CHD9: variants seen among roughly 807,000 people sequenced by gnomAD.
CHD9 encodes chromodomain helicase DNA binding protein 9, also known as ATP-dependent chromatin remodeler CHD9.
A neutral mutation model predicts 316.1 loss-of-function variants in CHD9; 77 were observed. The ratio of observed to expected loss-of-function variants is 0.24; its 90% CI spans 0.20 to 0.29. The LOEUF is 0.29. CHD9 is among the 10% of genes least tolerant of loss of function. The probability of loss-of-function intolerance (pLI) is 1.00; values close to 1 mark genes in which losing one functional copy is unlikely to be tolerated. For missense variants in CHD9, 2,763 were observed against 3,438.1 expected, an observed-to-expected ratio of 0.80 and a Z score of 4.91; for synonymous variants, 1,129 against 1,158.3, an observed-to-expected ratio of 0.97 and a Z score of 0.51.
intron 2 of CHD9, among the ~76,000 whole-genome samples, chr16:53,193,392 T>G (rs754832748): frequency 3.4e-4 from 52 of 151,604 alleles, no homozygotes; most frequent in Non-Finnish European, 6.3e-4. Context: ...GAGCTTGCAG[T>G]GAGCCGAGAT....
Position 53,285,611 on chromosome 16 carries a change from G to C in CHD9, c.4983G>C (p.Trp1661Cys). Residue 1661 changes from tryptophan (W) to cysteine (C), a missense_variant, in exon 25 of 39, where the codon TGG (tryptophan) becomes TGC (cysteine). Physicochemically the swap from Trp to Cys is radical, Grantham distance 215. Coordinates refer to ENST00000447540, the MANE Select transcript of CHD9 (RefSeq NM_001308319.2). ...DGVDASDIDV[W>C]VPEPDHSEVP... ...TTTTTTAAAGTGACATTGATGTTTG[G>C]GTACCAGAACCAGACCACTCAGAAG... is the stretch of plus-strand genomic sequence containing the variant. The C allele has an allele frequency of 6.3e-7, 1 of 1,596,746 alleles. No individual in the cohort carries two copies. The highest frequency in any genetic ancestry group is 8.5e-7 in the Non-Finnish European group (1 of 1,170,008).
intron 2 of CHD9, among the ~76,000 whole-genome samples, chr16:53,184,275 T>C (rs536581281): frequency 4.6e-5 from 7 of 152,138 alleles, no homozygotes; most frequent in South Asian, 2.1e-4. Flanking sequence ...GAGATAGATA[T>C]GGCACTAAAA....
intron 1 of CHD9, among the ~76,000 whole-genome samples, chr16:53,129,087 T>C (rs1187677304): frequency 6.6e-6 from 1 of 152,206 alleles, no homozygotes; most frequent in Non-Finnish European, 1.5e-5. Flanking sequence ...TTAGAGAACA[T>C]TCACTGATTA....
At chr16:53,190,192 T>G (rs1174905079) in intron 2 of CHD9, among the ~76,000 whole-genome samples, 1 of 152,184 alleles carries the variant, frequency 6.6e-6, no homozygotes, top group East Asian at 1.9e-4. Context: ...AATATGGCTT[T>G]CTTTCCAGAT....
At position 53,100,137 on chromosome 16, in the gene CHD9, G is replaced by A. The variant is rs547886501; in HGVS notation, c.-165+45060G>A. On this transcript the variant is annotated intron_variant, in intron 1 of 38. Transcript: ENST00000447540. ...AGCCCACGGGGAGAGGTGAGGAATT[G>A]TGCAAATAATGGGATAAACCTACAT... Among the ~76,000 whole-genome samples the A allele has an allele frequency of 8.0e-4, 122 of 152,352 alleles. 1 individual carries two copies. Among genetic ancestry groups the A allele is most frequent in the South Asian group, 8.3e-4 (4 of 4,830 alleles).
Position 53,223,600 on chromosome 16 carries a change from T to A in CHD9, c.1896+845T>A, listed in dbSNP as rs182180332. 9.5e-4 allele frequency: 145 copies of A among 152,674 alleles called. 2 individuals carry two copies. Among genetic ancestry groups the A allele is most frequent in the African/African-American group, 3.3e-3 (139 of 41,580 alleles). The allele number at this position is 152,674 out of a possible 1,614,324, so 9.5% of individuals were successfully genotyped here. On this transcript the variant is annotated intron_variant, in intron 4 of 38. Transcript: ENST00000447540. Reference sequence around the variant, plus strand: ...TTAGGCAAACTTATATTTAACTTATTCCATATGATTAAATTTAGTTTAATT... The same window carrying A: ...TTAGGCAAACTTATATTTAACTTATACCATATGATTAAATTTAGTTTAATT...
In CHD9 at chr16:53,144,657, T is replaced by G. The variant is rs189842772; in HGVS notation, c.-164-11269T>G. On this transcript the variant is annotated intron_variant, in intron 1 of 38. Coordinates refer to ENST00000447540, the MANE Select transcript of CHD9 (RefSeq NM_001308319.2). Reference sequence around the variant, plus strand: ...GATTCTCCCGCCTCAGCCTCCCGAGTAGCTGGGACTACAGGCGCCCACTAT... The same window carrying G: ...GATTCTCCCGCCTCAGCCTCCCGAGGAGCTGGGACTACAGGCGCCCACTAT... Among the ~76,000 whole-genome samples, 124 of 151,728 alleles carry G rather than the reference T, an allele frequency of 8.2e-4. 1 individual carries two copies. In the East Asian group the frequency reaches 0.016, roughly 19 times the overall value.
chr16:53,203,064 C>T (rs1215280271), intron 2 of CHD9, among the ~76,000 whole-genome samples: 1 of 152,014 alleles, frequency 6.6e-6, no homozygotes, highest in Non-Finnish European at 1.5e-5. Context: ...AAATAAAAAT[C>T]AAAAGAAGCC....
intron 1 of CHD9, among the ~76,000 whole-genome samples, chr16:53,056,955 C>G (rs1182295785): frequency 3.3e-5 from 5 of 151,690 alleles, no homozygotes; most frequent in Non-Finnish European, 7.4e-5. Context: ...TCAGATCAGC[C>G]TGTGCAACAG....
At chr16:53,091,163 G>T (rs2035912278) in intron 1 of CHD9, among the ~76,000 whole-genome samples, 1 of 152,140 alleles carries the variant, frequency 6.6e-6, no homozygotes, top group Non-Finnish European at 1.5e-5. Context: ...CCTCCTGGGG[G>T]TTCAGAGTGT....
intron 2 of CHD9, chr16:53,208,343 G>A: frequency 7.8e-7 from 1 of 1,280,258 alleles, no homozygotes; most frequent in Non-Finnish European, 1.0e-6. Flanking sequence ...AGGCCAAGAG[G>A]AAGGGTAAGT....
intron 29 of CHD9, among the ~76,000 whole-genome samples, chr16:53,294,698 T>G (rs1289117776): frequency 6.6e-6 from 1 of 152,168 alleles, no homozygotes; most frequent in Non-Finnish European, 1.5e-5. Flanking sequence ...TGCCACCCTC[T>G]GTTGGTCAGA....
In CHD9 at chr16:53,280,923, A is replaced by G. The variant is rs577658976; in HGVS notation, c.4968-4673A>G. Among the ~76,000 whole-genome samples, 10 of 152,198 alleles carry G rather than the reference A, an allele frequency of 6.6e-5. No individual in the cohort carries two copies. In the East Asian group the frequency reaches 9.7e-4, roughly 15 times the overall value. On this transcript the variant is annotated intron_variant, in intron 24 of 38. Transcript: ENST00000447540. ...AATTTACTCCCTCGTCCTCCATAAG[A>G]TGCTGTCTTCTGTAGGCATTTATGC...
intron 38 of CHD9, among the ~76,000 whole-genome samples, chr16:53,322,000 C>A (rs1027915894): frequency 7.6e-6 from 1 of 132,240 alleles, no homozygotes; most frequent in African/African-American, 2.8e-5. Flanking sequence ...TTTTCTTTTT[C>A]TTTTTTTTTT....
intron 2 of CHD9, among the ~76,000 whole-genome samples, chr16:53,194,245 T>TA (rs2152833523): frequency 6.7e-6 from 1 of 149,996 alleles, no homozygotes; most frequent in African/African-American, 2.4e-5. Context: ...AAAAAAAGTC[T>TA]AAAAAAACTG....
At position 53,170,578 on chromosome 16, in the gene CHD9, C is replaced by CGTGTGTGT. The variant is rs10593955; in HGVS notation, c.1452+13072_1452+13079dup. ...GTGCAGTACTAGTATTTTGTAATTT[C>CGTGTGTGT]GTGTGTGTGTGTGTGTGTGTGTGTG... On this transcript the variant is annotated intron_variant, in intron 2 of 38. Coordinates refer to ENST00000447540, the MANE Select transcript of CHD9 (RefSeq NM_001308319.2). Among the ~76,000 whole-genome samples, 122 of 140,322 alleles carry CGTGTGTGT rather than the reference C, an allele frequency of 8.7e-4. 1 individual carries two copies. Among genetic ancestry groups the CGTGTGTGT allele is most frequent in the African/African-American group, 2.8e-3 (107 of 38,020 alleles). 92.1% of individuals were successfully genotyped at this position (140,322 alleles called of 152,430 possible).
At chr16:53,130,702 A>C (rs2039199155) in intron 1 of CHD9, among the ~76,000 whole-genome samples, 1 of 151,212 alleles carries the variant, frequency 6.6e-6, no homozygotes. Context: ...GGAGCGGAGC[A>C]ACGACCCCGC....
chr16:53,220,861 C>A (rs1193362028), intron 3 of CHD9, among the ~76,000 whole-genome samples: 1 of 152,172 alleles, frequency 6.6e-6, no homozygotes, highest in Non-Finnish European at 1.5e-5. Context: ...TCTGTGGTAT[C>A]CCCCTACCTG....
intron 2 of CHD9, among the ~76,000 whole-genome samples, chr16:53,192,406 AC>A: frequency 6.6e-6 from 1 of 152,364 alleles, no homozygotes; most frequent in East Asian, 1.9e-4. Context: ...CAAGATATTA[AC>A]CTAGATTTAG....
Sources: allele counts gnomAD v4.1 joint callset (sites outside exome capture counted in the v4.1 genomes callset), GRCh38; gene constraint gnomAD v4.1.1; transcripts MANE v1.5; gene names NCBI Gene and HGNC (gene_info 2026-07-23, HGNC 2026-07-21).